Variants in NKPD1 observed in about 807,000 individuals in gnomAD.
NKPD1 encodes NTPase KAP family P-loop domain-containing protein 1.
NKPD1 carries 37 observed loss-of-function variants against 42.2 expected under a neutral mutation model. That is an observed-to-expected ratio of 0.88 (90% CI 0.67 to 1.15). NKPD1 has a LOEUF of 1.15. NKPD1 is among the 50% of genes most tolerant of loss of function. NKPD1 has a pLI of 0.00. For missense variants in NKPD1, 1,113 were observed against 1,174.6 expected (o/e 0.95, Z 0.77); for synonymous variants, 552 against 536.5 (o/e 1.03, Z -0.40).
At chr19:45,154,460 T>C (rs747553202) in intron 4 of NKPD1, among the ~76,000 whole-genome samples, 3 of 152,124 alleles carry the variant, frequency 2.0e-5, no homozygotes, top group Non-Finnish European at 4.4e-5. Flanking sequence ...TCATGAGAAA[T>C]CTGAGGTCAC....
Position 45,158,811 on chromosome 19 carries a change from G to A in NKPD1, c.381C>T (p.Pro127=). The part of the protein sequence containing the change: ...PKEPASAPQA[P]TLPTTAPAMA... Reference sequence around the variant, plus strand: ...TGGCTGGTGCCGTGGTGGGTAAGGTGGGCGCCTGAGGGGCGCTGGCAGGTT... The same window carrying A: ...TGGCTGGTGCCGTGGTGGGTAAGGTAGGCGCCTGAGGGGCGCTGGCAGGTT... The change falls in exon 3 of 5, where the codon CCC becomes CCT. Residue 127 remains proline, a synonymous_variant. Coordinates refer to ENST00000686631, the MANE Select transcript of NKPD1 (RefSeq NM_198478.4). This position sits in a 1 kb window ranked among gnomAD's most constrained non-coding sequence, Gnocchi z 4.6. 7.9e-7 allele frequency: 1 copy of A among 1,268,086 alleles called. No homozygotes were observed. Among genetic ancestry groups the A allele is most frequent in the African/African-American group, 1.6e-5 (1 of 64,412 alleles). 78.6% of individuals were successfully genotyped at this position (1,268,086 alleles called of 1,614,324 possible).
chr19:45,158,248 C>G lies in NKPD1; in HGVS notation c.529+415G>C, dbSNP rs560353028. Among the ~76,000 whole-genome samples, 1 of 152,340 alleles carries G rather than the reference C, an allele frequency of 6.6e-6. No individual in the cohort carries two copies. The highest frequency in any genetic ancestry group is 2.1e-4 in the South Asian group (1 of 4,822). Reference sequence around the variant, plus strand: ...ATTGCTGACCTTTGCTCTCCGTTCCCCAGGCTACTCCCTAGCTCTGTCTTC... The same window carrying G: ...ATTGCTGACCTTTGCTCTCCGTTCCGCAGGCTACTCCCTAGCTCTGTCTTC... On this transcript the variant is annotated intron_variant, in intron 3 of 4. Transcript: ENST00000686631. The surrounding 1 kb of genome is among the most constrained non-coding windows in gnomAD (Gnocchi z 4.6).
Position 45,158,974 on chromosome 19 carries a change from C to A in NKPD1, c.218G>T (p.Arg73Leu). The A allele has an allele frequency of 7.7e-7, 1 of 1,299,958 alleles. No individual in the cohort carries two copies. Among genetic ancestry groups the A allele is most frequent in the Non-Finnish European group, 1.0e-6 (1 of 987,930 alleles). The allele number at this position is 1,299,958 out of a possible 1,614,324, so 80.5% of individuals were successfully genotyped here. A position where few individuals can be genotyped will look rare whatever the true frequency, so the allele number is the denominator to read the frequency against. ...SHQVGGSGWR[R>L]GLLPSVLQQQ... The stretch of plus-strand genomic sequence containing the variant: ...CTGCAGGACGGAGGGCAGGAGGCCC[C>A]GGCGCCAGCCACTGCCACCCACTTG... Residue 73 changes from arginine to leucine, a missense_variant, in exon 3 of 5, where the codon CGG (arginine) becomes CTG (leucine). This residue lies in a region of NKPD1 where 204 missense variants were observed against 227.8 expected (regional missense o/e 0.90). Transcript: ENST00000686631. This position sits in a 1 kb window ranked among gnomAD's most constrained non-coding sequence, Gnocchi z 4.6.
chr19:45,160,651 C>G (rs1968988165), intron 1 of NKPD1, among the ~76,000 whole-genome samples: 1 of 151,808 alleles, frequency 6.6e-6, no homozygotes, highest in African/African-American at 2.4e-5. Context: ...GAGTGAAAAT[C>G]AGAGCTGGGT....
intron 4 of NKPD1, among the ~76,000 whole-genome samples, chr19:45,154,905 G>T (rs529761616): frequency 6.6e-6 from 1 of 151,806 alleles, no homozygotes; most frequent in South Asian, 2.1e-4. Context: ...GGCACCTGTA[G>T]TCCCAGCTAC....
In NKPD1 at chr19:45,153,166, A is replaced by T. The variant is rs994802802; in HGVS notation, c.1271T>A (p.Leu424Gln). ...CTTCTTCACCTCGCACATGAAACCCAGCTGGCTGCCGAACTTTTCACGCGA... is the reference window on the plus strand; with the variant it reads ...CTTCTTCACCTCGCACATGAAACCCTGCTGGCTGCCGAACTTTTCACGCGA... ...LVSREKFGSQ[L>Q]GFMCEVKKEV... The change falls in exon 5 of 5, where the codon CTG becomes CAG. Residue 424 changes from leucine to glutamine, a missense_variant. Leu to Gln is a moderately radical substitution (Grantham distance 113, BLOSUM62 -2). This residue lies in a region of NKPD1 where 867 missense variants were observed against 870.1 expected (regional missense o/e 1.00). Transcript: ENST00000686631. 6.3e-7 allele frequency: 1 copy of T among 1,580,832 alleles called. No homozygotes were observed. The highest frequency in any genetic ancestry group is 1.8e-5 in the Admixed American group (1 of 55,072).
upstream of NKPD1, among the ~76,000 whole-genome samples, chr19:45,161,616 G>C (rs1370239882): frequency 6.6e-6 from 1 of 152,186 alleles, no homozygotes; most frequent in Non-Finnish European, 1.5e-5. Flanking sequence ...GAGGCAGGGC[G>C]GGGATTTGGA....
At position 45,151,815 on chromosome 19, in the gene NKPD1, C is replaced by T. The variant is rs1968782321; in HGVS notation, c.*123G>A. The stretch of plus-strand genomic sequence containing the variant: ...GTCCACGGCTCTGGCTCAGGTTCAC[C>T]TGGGGGTGTGGGCCTCACAGGGCTC... On this transcript the variant is annotated 3_prime_UTR_variant, in exon 5 of 5. Coordinates refer to ENST00000686631, the MANE Select transcript of NKPD1 (RefSeq NM_198478.4). The T allele has an allele frequency of 2.3e-5, 25 of 1,091,298 alleles. No homozygotes were observed. In the South Asian group the frequency reaches 4.9e-4, roughly 21 times the overall value. 67.6% of individuals were successfully genotyped at this position (1,091,298 alleles called of 1,614,324 possible).
At chr19:45,161,153 A>G (rs978945557), upstream of NKPD1, among the ~76,000 whole-genome samples, 11 of 152,174 alleles carry the variant, frequency 7.2e-5, no homozygotes, top group Non-Finnish European at 1.5e-4. Flanking sequence ...CCTGGTAAGG[A>G]ACGGAGATGC....
chr19:45,159,030 T>C lies in NKPD1; in HGVS notation c.162A>G (p.Gln54=), dbSNP rs762720079. 1.9e-4 allele frequency: 243 copies of C among 1,300,442 alleles called. No homozygotes were observed. The highest frequency in any genetic ancestry group is 1.1e-4 in the East Asian group (2 of 17,786). The allele number at this position is 1,300,442 out of a possible 1,614,324, so 80.6% of individuals were successfully genotyped here. A position where few individuals can be genotyped will look rare whatever the true frequency, so the allele number is the denominator to read the frequency against. The change falls in exon 3 of 5, where the codon CAA becomes CAG. Residue 54 remains glutamine (Q), a synonymous_variant. Coordinates refer to ENST00000686631, the MANE Select transcript of NKPD1 (RefSeq NM_198478.4). ...RAHGPCRPSP[Q]SHWQLAYHSH... Reference sequence around the variant, plus strand: ...TGTGGTAGGCCAGCTGCCAGTGTGATTGGGGGGAAGGCCGACAGGGCCCAT... The same window carrying C: ...TGTGGTAGGCCAGCTGCCAGTGTGACTGGGGGGAAGGCCGACAGGGCCCAT...
intron 2 of NKPD1, 121 bp from the exon 3 acceptor site, chr19:45,159,221 A>C: frequency 1.0e-6 from 1 of 982,588 alleles, no homozygotes; most frequent in Non-Finnish European, 1.3e-6. Flanking sequence ...GAGCCCCAGA[A>C]ACCCCTCAAA....
rs144764378 is a variant in NKPD1 at position 45,155,897 on chromosome 19, G to A, written c.549C>T (p.Asp183=). ...TCTTGGCCAGGCAGCTGCAGTAGAC[G>A]TCATCCTCTGTCAGGATGTCTGGTG... The part of the protein sequence containing the change: ...AYSSDILTED[D]VYCSCLAKTL... Residue 183 remains aspartate, a synonymous_variant, in exon 4 of 5, where the codon GAC becomes GAT. Transcript: ENST00000686631. 1.3e-5 allele frequency: 17 copies of A among 1,305,008 alleles called. No individual in the cohort carries two copies. The highest frequency in any genetic ancestry group is 4.6e-5 in the Admixed American group (2 of 43,534). The allele number at this position is 1,305,008 out of a possible 1,614,324, so 80.8% of individuals were successfully genotyped here.
chr19:45,152,417 G>T lies in NKPD1; in HGVS notation c.2020C>A (p.Leu674Met). The change falls in exon 5 of 5, where the codon CTG becomes ATG. Residue 674 changes from leucine (L) to methionine (M), a missense_variant. Coordinates refer to ENST00000686631, the MANE Select transcript of NKPD1 (RefSeq NM_198478.4). ...CCCCCGGTCTGCTGCCGGTCCTCCA[G>T]GCACTGCAGCGCCCAGCTCAGGCGG... ...PCRLSWALQC[L>M]EDRQQTGGAP... 1 of 1,572,426 alleles carries T rather than the reference G, an allele frequency of 6.4e-7. No individual in the cohort carries two copies. The highest frequency in any genetic ancestry group is 1.1e-5 in the South Asian group (1 of 86,984).
Position 45,155,786 on chromosome 19 carries a change from C to G in NKPD1, c.660G>C (p.Thr220=). ...CAACAAACACACACAGCTCCTCACC[C>G]GTGATCTTGTCCAGCATCATGTGCA... is the stretch of plus-strand genomic sequence containing the variant. ...CRLHMMLDKI[T]ALMQQEAAQR... is the part of the protein sequence containing the mutation. Residue 220 remains threonine (T), a splice_region_variant and synonymous_variant, in exon 4 of 5, where the codon ACG becomes ACC. Coordinates refer to ENST00000686631, the MANE Select transcript of NKPD1 (RefSeq NM_198478.4). The G allele has an allele frequency of 7.7e-7, 1 of 1,303,282 alleles. No homozygotes were observed. The highest frequency in any genetic ancestry group is 1.0e-6 in the Non-Finnish European group (1 of 987,256). 80.7% of individuals were successfully genotyped at this position (1,303,282 alleles called of 1,614,324 possible). A position where few individuals can be genotyped will look rare whatever the true frequency, so the allele number is the denominator to read the frequency against.
rs1368006506 is a variant in NKPD1 at position 45,153,418 on chromosome 19, A to G, written c.1019T>C (p.Val340Ala). 6.5e-7 allele frequency: 1 copy of G among 1,549,732 alleles called. No individual in the cohort carries two copies. The highest frequency in any genetic ancestry group is 8.7e-7 in the Non-Finnish European group (1 of 1,151,348). Residue 340 changes from valine to alanine, a missense_variant, in exon 5 of 5, where the codon GTG becomes GCG. Physicochemically the swap from Val to Ala is moderately conservative, Grantham distance 64. Transcript: ENST00000686631. ...CAGCAGCGCCAGCAGCCCCAGGCAC[A>G]CGCGGCGCCGACAATGCCACTCGCT... ...CQSEWHCRRR[V>A]CLGLLALLAA...
Position 45,152,873 on chromosome 19 carries a change from T to C in NKPD1, c.1564A>G (p.Thr522Ala), listed in dbSNP as rs1968818788. The C allele has an allele frequency of 6.3e-7, 1 of 1,587,712 alleles. No individual in the cohort carries two copies. Among genetic ancestry groups the C allele is most frequent in the Non-Finnish European group, 8.6e-7 (1 of 1,163,998 alleles). ...GGCACAGAGAAGGGCAGCGTGACAG[T>C]GCGGTTGAGGAAGAGGTAGCCGTTA... ...ADNGYLFLNR[T>A]VTLPFSVPIM... Residue 522 changes from threonine (T) to alanine (A), a missense_variant, in exon 5 of 5, where the codon ACT becomes GCT. Thr to Ala is a moderately conservative substitution (Grantham distance 58). Transcript: ENST00000686631.
chr19:45,153,172 C>G lies in NKPD1; in HGVS notation c.1265G>C (p.Ser422Thr). 1 of 1,581,676 alleles carries G rather than the reference C, an allele frequency of 6.3e-7. No individual in the cohort carries two copies. The highest frequency in any genetic ancestry group is 8.6e-7 in the Non-Finnish European group (1 of 1,164,710). ...CACCTCGCACATGAAACCCAGCTGG[C>G]TGCCGAACTTTTCACGCGACACCAG... The part of the protein sequence containing the change: ...ERLVSREKFG[S>T]QLGFMCEVKK... Residue 422 changes from serine to threonine, a missense_variant, in exon 5 of 5, where the codon AGC becomes ACC. Coordinates refer to ENST00000686631, the MANE Select transcript of NKPD1 (RefSeq NM_198478.4).
chr19:45,151,948 C>T lies in NKPD1; in HGVS notation c.2489G>A (p.Gly830Asp). 6.4e-7 allele frequency: 1 copy of T among 1,565,536 alleles called. No homozygotes were observed. ...CGCCAAGTCCTCCATTTAAGGCCCA[C>T]CTGGGCTGGATTGCCCTGGACGGAA... ...ALFRPGQSSPGGP is the reference protein window; with the variant it reads ...ALFRPGQSSPDGP Residue 830 changes from glycine (G) to aspartate (D), a missense_variant, in exon 5 of 5, where the codon GGT becomes GAT. Gly to Asp is a moderately conservative substitution (Grantham distance 94). Transcript: ENST00000686631.
chr19:45,160,498 A>G (rs1239575457), intron 1 of NKPD1, among the ~76,000 whole-genome samples: 1 of 152,046 alleles, frequency 6.6e-6, no homozygotes, highest in East Asian at 1.9e-4. Flanking sequence ...TGCTGAGCAG[A>G]CATGGGCTGG....
Sources: gnomAD v4.1 joint callset for allele counts (sites outside exome capture counted in the v4.1 genomes callset) on GRCh38, gnomAD v4.1.1 for gene constraint, gnomAD v4.1.1 regional missense constraint, Gnocchi (gnomAD v3.1) non-coding constraint, MANE v1.5 for transcripts, NCBI Gene and HGNC (gene_info 2026-07-23, HGNC 2026-07-21) for gene names.